The following MAN1B1 variants were observed in gnomAD, a reference collection of about 807,000 sequenced individuals.
The protein encoded by MAN1B1 is endoplasmic reticulum mannosyl-oligosaccharide 1,2-alpha-mannosidase.
MAN1B1 carries 66 observed loss-of-function variants against 75.5 expected under a neutral mutation model. The observed-to-expected ratio is 0.87, with a 90% confidence interval of 0.72 to 1.07. The LOEUF (loss-of-function observed/expected upper bound fraction) is 1.07. Ranked by LOEUF, MAN1B1 falls within the 50% of genes least tolerant of loss-of-function variation. MAN1B1 has a pLI of 0.00. For missense variants in MAN1B1, 973 were observed against 912.5 expected, an observed-to-expected ratio of 1.07 and a Z score of -0.85; for synonymous variants, 453 against 382.8, an observed-to-expected ratio of 1.18 and a Z score of -2.14.
At position 137,106,313 on chromosome 9, in the gene MAN1B1, A is replaced by G; in HGVS notation, c.1443A>G (p.Thr481=). ...GGATCCAGGGCGGGAAGCAGGAGAC[A>G]CAGTGAGGCCCGGCCCGCTGCCCCC... The part of the protein sequence containing the change: ...KQWIQGGKQE[T]QLLEDYVEAI... The change falls in exon 9 of 13, where the codon ACA becomes ACG. Residue 481 remains threonine, a splice_region_variant and synonymous_variant. Coordinates refer to ENST00000371589, the MANE Select transcript of MAN1B1 (RefSeq NM_016219.5). 6.5e-7 allele frequency: 1 copy of G among 1,550,092 alleles called. No homozygotes were observed. Among genetic ancestry groups the G allele is most frequent in the South Asian group, 1.2e-5 (1 of 84,212 alleles).
In MAN1B1 at chr9:137,101,000, CAT is replaced by C. The variant is rs1310202620; in HGVS notation, c.917-3_917-2del. The C allele has an allele frequency of 1.9e-6, 3 of 1,613,992 alleles. No individual in the cohort carries two copies. Among genetic ancestry groups the C allele is most frequent in the South Asian group, 2.2e-5 (2 of 91,084 alleles). ...CTCTGCATCCTTTACTGTTTTATGT[CAT>C]AGAATTTGAGGAAGCCAGGAAGTGG... On this transcript the variant is annotated splice_polypyrimidine_tract_variant and splice_region_variant and intron_variant, in intron 6 of 12. Transcript: ENST00000371589.
chr9:137,100,977 C>G, intron 6 of MAN1B1, 28 bp from the exon 7 acceptor site: 3 of 1,613,818 alleles, frequency 1.9e-6, no homozygotes, highest in Non-Finnish European at 2.5e-6. Flanking sequence ...CCATTTGTCT[C>G]TGCATCCTTT....
In MAN1B1 at chr9:137,090,996, C is replaced by T. The variant is rs149494570; in HGVS notation, c.465+1991C>T. On this transcript the variant is annotated intron_variant, in intron 3 of 12. Coordinates refer to ENST00000371589, the MANE Select transcript of MAN1B1 (RefSeq NM_016219.5). ...GCAGCTTCTCCAAGGGTGGTCTAGCCGGGCAGAGGGTGTAGGGTGGGAATT... is the reference window on the plus strand; with the variant it reads ...GCAGCTTCTCCAAGGGTGGTCTAGCTGGGCAGAGGGTGTAGGGTGGGAATT... Among the ~76,000 whole-genome samples, 463 of 152,256 alleles carry T rather than the reference C, an allele frequency of 3.0e-3. 2 individuals are homozygous for T. Among genetic ancestry groups the T allele is most frequent in the African/African-American group, 9.4e-3 (391 of 41,540 alleles).
At chr9:137,103,087 G>C in intron 8 of MAN1B1, 1 of 450,140 alleles carries the variant, frequency 2.2e-6, no homozygotes, top group Non-Finnish European at 4.4e-6. Context: ...ACACTTGCAG[G>C]CGTGCAGGTC....
chr9:137,099,166 C>T (rs1056371599), intron 5 of MAN1B1, among the ~76,000 whole-genome samples: 3 of 152,258 alleles, frequency 2.0e-5, no homozygotes, highest in African/African-American at 4.8e-5. Context: ...GGGACTGTAG[C>T]GCGTGTGCAC....
Position 137,087,028 on chromosome 9 carries a change from G to A in MAN1B1, c.29G>A (p.Gly10Glu). ...GCTGCCTGCGAGGGCAGGAGAAGCG[G>A]AGCTCTCGGTTCCTCTCAGTCGGAC... MAACEGRRS[G>E]ALGSSQSDFL... The change falls in exon 1 of 13, where the codon GGA becomes GAA. Residue 10 changes from glycine (G) to glutamate (E), a missense_variant. Gly to Glu is a moderately conservative substitution (Grantham distance 98, BLOSUM62 -2). Coordinates refer to ENST00000371589, the MANE Select transcript of MAN1B1 (RefSeq NM_016219.5). The A allele has an allele frequency of 6.2e-7, 1 of 1,602,150 alleles. No individual in the cohort carries two copies. The highest frequency in any genetic ancestry group is 8.5e-7 in the Non-Finnish European group (1 of 1,176,162).
rs1831121212 is a variant in MAN1B1, at chr9:137,106,695, G to A, written c.1452G>A (p.Leu484=). 6.2e-7 allele frequency: 1 copy of A among 1,613,482 alleles called. No homozygotes were observed. Among genetic ancestry groups the A allele is most frequent in the Non-Finnish European group, 8.5e-7 (1 of 1,180,000 alleles). Residue 484 remains leucine (L), a synonymous_variant, in exon 10 of 13, where the codon CTG becomes CTA. Transcript: ENST00000371589. ...IQGGKQETQL[L]EDYVEAIEGV... Reference sequence around the variant, plus strand: ...TGACTGCTGGTGTCCACAGGCTGCTGGAAGACTACGTGGAAGCCATCGAGG... The same window carrying A: ...TGACTGCTGGTGTCCACAGGCTGCTAGAAGACTACGTGGAAGCCATCGAGG...
chr9:137,101,877 G>A, intron 8 of MAN1B1: 1 of 716,236 alleles, frequency 1.4e-6, no homozygotes, highest in South Asian at 1.5e-5. Context: ...GCAGGTCGGT[G>A]GTGTTACACA....
intron 8 of MAN1B1, 151 bp from the exon 9 acceptor site, chr9:137,105,974 C>A: frequency 1.4e-6 from 1 of 724,120 alleles, no homozygotes; most frequent in Non-Finnish European, 2.5e-6. Flanking sequence ...GCCATGTGGG[C>A]AAGGACAGCT....
Position 137,108,582 on chromosome 9 carries a change from C to A in MAN1B1, c.2091C>A (p.Thr697=). 1 of 1,613,728 alleles carries A rather than the reference C, an allele frequency of 6.2e-7. No homozygotes were observed. The highest frequency in any genetic ancestry group is 8.5e-7 in the Non-Finnish European group (1 of 1,179,994). The change falls in exon 13 of 13, where the codon ACC becomes ACA. Residue 697 remains threonine, a synonymous_variant. Coordinates refer to ENST00000371589, the MANE Select transcript of MAN1B1 (RefSeq NM_016219.5). ...NTEAHPLPIW[T]PA ...AAGCCCACCCTCTGCCTATCTGGAC[C>A]CCTGCCTAGGGTGGATGGCTGCTGG... is the stretch of plus-strand genomic sequence containing the variant.
intron 8 of MAN1B1, chr9:137,102,782 GGT>G (rs1830901151): frequency 2.2e-6 from 1 of 452,802 alleles, no homozygotes; most frequent in African/African-American, 2.0e-5. Context: ...GCAGGTCGGT[GGT>G]GTTACACACA....
intron 3 of MAN1B1, among the ~76,000 whole-genome samples, chr9:137,091,077 GGCCACTGCTC>G (rs1830501613): frequency 6.6e-6 from 1 of 152,136 alleles, no homozygotes; most frequent in Non-Finnish European, 1.5e-5. Flanking sequence ...TTGGCCATGG[GGCCACTGCTC>G]CACACTCTTC....
intron 3 of MAN1B1, among the ~76,000 whole-genome samples, chr9:137,091,173 C>T (rs1160803970): frequency 1.3e-5 from 2 of 152,190 alleles, no homozygotes; most frequent in Non-Finnish European, 2.9e-5. Flanking sequence ...CCGACAGGTG[C>T]TTCCTTTCCT....
chr9:137,088,909 A>G lies in MAN1B1; in HGVS notation c.369A>G (p.Pro123=), dbSNP rs1428222141. 1.2e-6 allele frequency: 2 copies of G among 1,614,026 alleles called. No individual in the cohort carries two copies. Among genetic ancestry groups the G allele is most frequent in the Admixed American group, 3.3e-5 (2 of 60,034 alleles). ...TAGAGGAAGAGCAGAAGATGAGGCC[A>G]GAAATTGCTGGGTTAAAACCAGCAA... ...FRLEEEQKMR[P]EIAGLKPANP... The change falls in exon 3 of 13, where the codon CCA becomes CCG. Residue 123 remains proline, a synonymous_variant. Transcript: ENST00000371589.
At chr9:137,105,065 G>A in intron 8 of MAN1B1, 1 of 152,516 alleles carries the variant, frequency 6.6e-6, no homozygotes, top group Non-Finnish European at 1.5e-5. Context: ...ATGTTGGCCA[G>A]GATGGTCTGG....
chr9:137,108,631 G>C lies in MAN1B1; in HGVS notation c.*40G>C, dbSNP rs757326044. 1.3e-6 allele frequency: 2 copies of C among 1,591,706 alleles called. No homozygotes were observed. The highest frequency in any genetic ancestry group is 2.2e-5 in the South Asian group (2 of 90,648). The stretch of plus-strand genomic sequence containing the variant: ...GGTGTGGGGACTTCGGGTGGGCAGA[G>C]GCACCTTGCTGGGTCTGTGGCATTT... On this transcript the variant is annotated 3_prime_UTR_variant, in exon 13 of 13. Transcript: ENST00000371589.
intron 1 of MAN1B1, chr9:137,087,685 A>AG (rs1830411218): frequency 2.5e-6 from 1 of 402,836 alleles, no homozygotes; most frequent in Non-Finnish European, 4.7e-6. Context: ...CCTGGGCTAC[A>AG]TCTGTGGGAG....
In MAN1B1 at chr9:137,092,145, C is replaced by T. The variant is rs986741883; in HGVS notation, c.465+3140C>T. 6.3e-4 allele frequency among the ~76,000 whole-genome samples: 96 copies of T among 151,868 alleles called. 2 individuals carry two copies. Among genetic ancestry groups the T allele is most frequent in the African/African-American group, 2.3e-3 (94 of 41,268 alleles). On this transcript the variant is annotated intron_variant, in intron 3 of 12. Transcript: ENST00000371589. ...ATCCCAGCACTTTCAGAGGCCAAGG[C>T]AGGCAGATTGCTTACGCCCAGTCTG...
Position 137,101,600 on chromosome 9 carries a change from T to A in MAN1B1, c.1182T>A (p.Thr394=), listed in dbSNP as rs1305320190. ...AHPPRWTSDS[T]VAEVTSIQLE... ...CGCCACGGTGGACCTCCGACAGCAC[T>A]GTGGCCGAGGTGACCAGCATTCAGC... The change falls in exon 8 of 13, where the codon ACT becomes ACA. Residue 394 remains threonine, a synonymous_variant. Coordinates refer to ENST00000371589, the MANE Select transcript of MAN1B1 (RefSeq NM_016219.5). 1 of 1,613,750 alleles carries A rather than the reference T, an allele frequency of 6.2e-7. No individual in the cohort carries two copies. The highest frequency in any genetic ancestry group is 1.7e-5 in the Admixed American group (1 of 60,008).
Sources: allele counts gnomAD v4.1 joint callset (sites outside exome capture counted in the v4.1 genomes callset), GRCh38; gene constraint gnomAD v4.1.1; transcripts MANE v1.5; gene names NCBI Gene and HGNC (gene_info 2026-07-23, HGNC 2026-07-21).